Variants in FSIP2 observed in about 807,000 individuals in gnomAD.
FSIP2 encodes the protein fibrous sheath interacting protein 2.
A neutral mutation model predicts 510.5 loss-of-function variants in FSIP2; 367 were observed. That is an observed-to-expected ratio of 0.72 (90% CI 0.66 to 0.78). The LOEUF is 0.78. FSIP2 is among the 30% of genes least tolerant of loss of function. The pLI is 0.00. For synonymous variants in FSIP2, 2,601 were observed against 2,732.2 expected (o/e 0.95, Z 1.50); for missense variants, 7,594 against 7,901.7 (o/e 0.96, Z 1.48).
rs56395901 is a variant in FSIP2 at position 185,751,461 on chromosome 2, C to CTGTGTGTGTGTGTG, written c.871-2236_871-2223dup. Among the ~76,000 whole-genome samples, 104 of 135,872 alleles carry CTGTGTGTGTGTGTG rather than the reference C, an allele frequency of 7.7e-4. 1 individual carries two copies. Among genetic ancestry groups the CTGTGTGTGTGTGTG allele is most frequent in the East Asian group, 2.4e-3 (11 of 4,558 alleles). The allele number at this position is 135,872 out of a possible 152,430, so 89.1% of individuals were successfully genotyped here. ...AGACCAAATTTGGGTCTTTATTTTT[C>CTGTGTGTGTGTGTG]TGTGTGTGTGTGTGTGTGTGTGTGT... On this transcript the variant is annotated intron_variant, in intron 7 of 22. Coordinates refer to ENST00000424728, the MANE Select transcript of FSIP2 (RefSeq NM_173651.4).
Position 185,789,684 on chromosome 2 carries a change from A to G in FSIP2, c.2548A>G (p.Lys850Glu), listed in dbSNP as rs533125062. 3.3e-6 allele frequency: 5 copies of G among 1,534,008 alleles called. No homozygotes were observed. The highest frequency in any genetic ancestry group is 1.7e-4 in the Middle Eastern group (1 of 5,974). ...NEFLHLKDTN[K>E]LSCQQHKTDP... The stretch of plus-strand genomic sequence containing the variant: ...ATTTCTTCATCTTAAAGACACAAAT[A>G]AGCTTTCCTGCCAGCAACATAAGAC... The change falls in exon 16 of 23, where the codon AAG (lysine) becomes GAG (glutamate). Residue 850 changes from lysine to glutamate, a missense_variant. Coordinates refer to ENST00000424728, the MANE Select transcript of FSIP2 (RefSeq NM_173651.4).
At chr2:185,814,387 T>C (rs1346955907) in intron 18 of FSIP2, among the ~76,000 whole-genome samples, 1 of 152,214 alleles carries the variant, frequency 6.6e-6, no homozygotes, top group East Asian at 1.9e-4. Flanking sequence ...GAGAGCCTAA[T>C]GCTACTAGAA....
intron 14 of FSIP2, among the ~76,000 whole-genome samples, chr2:185,785,046 T>C (rs1356662780): frequency 2.0e-5 from 3 of 152,204 alleles, no homozygotes; most frequent in South Asian, 2.1e-4. Context: ...AAAAAGTCTA[T>C]TGGGAACTGC....
At chr2:185,830,276 A>G (rs55970033) in intron 21 of FSIP2, among the ~76,000 whole-genome samples, 24,150 of 151,918 alleles carry the variant, frequency 0.16, 2,501 homozygotes, top group Non-Finnish European at 0.23. Flanking sequence ...CTTTCAAGGA[A>G]AAGGTCAAAA....
In FSIP2 at chr2:185,797,169, A is replaced by C. The variant is rs1183177431; in HGVS notation, c.10033A>C (p.Ser3345Arg). The C allele has an allele frequency of 6.5e-7, 1 of 1,534,962 alleles. No individual in the cohort carries two copies. The highest frequency in any genetic ancestry group is 2.4e-5 in the East Asian group (1 of 40,844). ...NTVLSSCGFP[S>R]QPHTNENREI... Reference sequence around the variant, plus strand: ...TGTGCTATCCAGCTGTGGCTTTCCAAGTCAACCACACACTAATGAGAACAG... The same window carrying C: ...TGTGCTATCCAGCTGTGGCTTTCCACGTCAACCACACACTAATGAGAACAG... Residue 3345 changes from serine (S) to arginine (R), a missense_variant, in exon 16 of 23, where the codon AGT becomes CGT. By Grantham distance (110) the Ser-to-Arg change is moderately radical (BLOSUM62 -1). Coordinates refer to ENST00000424728, the MANE Select transcript of FSIP2 (RefSeq NM_173651.4).
At position 185,804,413 on chromosome 2, in the gene FSIP2, A is replaced by G. The variant is rs1693512195; in HGVS notation, c.15107A>G (p.Tyr5036Cys). The G allele has an allele frequency of 1.3e-6, 2 of 1,510,220 alleles. No individual in the cohort carries two copies. The highest frequency in any genetic ancestry group is 1.4e-5 in the African/African-American group (1 of 71,738). The allele number at this position is 1,510,220 out of a possible 1,614,324, so 93.6% of individuals were successfully genotyped here. The part of the protein sequence containing the change: ...NSVYGKVLDQ[Y>C]KSLIQIHRVI... ...GTATATGGAAAAGTATTAGATCAAT[A>G]TAAATCTCTGATTCAAATACATAGG... The change falls in exon 17 of 23, where the codon TAT (tyrosine) becomes TGT (cysteine). Residue 5036 changes from tyrosine (Y) to cysteine (C), a missense_variant. Physicochemically the swap from Tyr to Cys is radical, Grantham distance 194. Coordinates refer to ENST00000424728, the MANE Select transcript of FSIP2 (RefSeq NM_173651.4).
At chr2:185,770,866 A>T (rs995284405) in intron 13 of FSIP2, among the ~76,000 whole-genome samples, 15 of 152,192 alleles carry the variant, frequency 9.9e-5, no homozygotes, top group African/African-American at 3.1e-4. Context: ...AAAACATGTT[A>T]TTACATCCAA....
chr2:185,808,565 A>C lies in FSIP2; in HGVS notation c.19259A>C (p.Gln6420Pro). The change falls in exon 17 of 23, where the codon CAG (glutamine) becomes CCG (proline). Residue 6420 changes from glutamine to proline, a missense_variant. Coordinates refer to ENST00000424728, the MANE Select transcript of FSIP2 (RefSeq NM_173651.4). ...CCAGAAAATACAGAAAGGATTTATC[A>C]GGTTGTCGATTCCGTTTATAGTAAC... is the stretch of plus-strand genomic sequence containing the variant. Reference protein sequence around the residue: ...LNPENTERIYQVVDSVYSNIL... With the variant: ...LNPENTERIYPVVDSVYSNIL... 4 of 1,612,462 alleles carry C rather than the reference A, an allele frequency of 2.5e-6. No homozygotes were observed. Among genetic ancestry groups the C allele is most frequent in the Non-Finnish European group, 3.4e-6 (4 of 1,179,222 alleles).
chr2:185,782,776 G>GAATT lies in FSIP2; in HGVS notation c.1469+16_1469+19dup. On this transcript the variant is annotated intron_variant, in intron 14 of 22. Coordinates refer to ENST00000424728, the MANE Select transcript of FSIP2 (RefSeq NM_173651.4). Reference sequence around the variant, plus strand: ...TTACACAAATATGTAAGTACCTAAGGAATTATATATAATCATAACTAATTT... The same window carrying GAATT: ...TTACACAAATATGTAAGTACCTAAGGAATTAATTATATATAATCATAACTAATTT... The GAATT allele has an allele frequency of 7.7e-7, 1 of 1,302,064 alleles. No homozygotes were observed. Among genetic ancestry groups the GAATT allele is most frequent in the Non-Finnish European group, 1.1e-6 (1 of 933,952 alleles). The allele number at this position is 1,302,064 out of a possible 1,614,324, so 80.7% of individuals were successfully genotyped here.
At position 185,796,014 on chromosome 2, in the gene FSIP2, T is replaced by C. The variant is rs80269489; in HGVS notation, c.8878T>C (p.Phe2960Leu). The change falls in exon 16 of 23, where the codon TTT (phenylalanine) becomes CTT (leucine). Residue 2960 changes from phenylalanine (F) to leucine (L), a missense_variant. Phe to Leu is a conservative substitution (Grantham distance 22). Coordinates refer to ENST00000424728, the MANE Select transcript of FSIP2 (RefSeq NM_173651.4). The part of the protein sequence containing the change: ...EHITAKSKYG[F>L]PNKHSLSSLP... Reference sequence around the variant, plus strand: ...CATTACTGCTAAAAGTAAATATGGTTTTCCAAACAAGCATAGCCTCAGCAG... The same window carrying C: ...CATTACTGCTAAAAGTAAATATGGTCTTCCAAACAAGCATAGCCTCAGCAG... 8,132 of 1,533,788 alleles carry C rather than the reference T, an allele frequency of 5.3e-3. 212 individuals carry two copies. In the African/African-American group the frequency reaches 0.072, roughly 14 times the overall value.
intron 8 of FSIP2, among the ~76,000 whole-genome samples, chr2:185,755,984 G>A (rs761798539): frequency 9.9e-5 from 15 of 151,374 alleles, no homozygotes; most frequent in Admixed American, 2.0e-4. Context: ...CCCTCCAAAT[G>A]TATCTTTTAA....
chr2:185,749,564 A>T (rs898420637), intron 7 of FSIP2, among the ~76,000 whole-genome samples: 7 of 151,934 alleles, frequency 4.6e-5, no homozygotes, highest in African/African-American at 1.7e-4. Flanking sequence ...TTAATAGTTT[A>T]CATAGATGAT....
At chr2:185,749,163 C>T (rs1016830891) in intron 7 of FSIP2, among the ~76,000 whole-genome samples, 2 of 151,838 alleles carry the variant, frequency 1.3e-5, no homozygotes, top group African/African-American at 4.8e-5. Flanking sequence ...ATAGCATCAG[C>T]TTATTAATTT....
rs1451401665 is a variant in FSIP2 at position 185,790,479 on chromosome 2, A to C, written c.3343A>C (p.Lys1115Gln). The C allele has an allele frequency of 9.8e-6, 15 of 1,534,060 alleles. No individual in the cohort carries two copies. The highest frequency in any genetic ancestry group is 6.9e-5 in the African/African-American group (5 of 72,912). Residue 1115 changes from lysine to glutamine, a missense_variant, in exon 16 of 23, where the codon AAG becomes CAG. Coordinates refer to ENST00000424728, the MANE Select transcript of FSIP2 (RefSeq NM_173651.4). ...ASENIVTSILKEMLKDISSVP... is the reference protein window; with the variant it reads ...ASENIVTSILQEMLKDISSVP... ...AGAAAACATAGTCACAAGTATTTTA[A>C]AGGAAATGCTCAAGGACATATCTTC...
chr2:185,800,828 C>G lies in FSIP2; in HGVS notation c.11522C>G (p.Thr3841Ser). The G allele has an allele frequency of 3.3e-6, 5 of 1,534,384 alleles. No individual in the cohort carries two copies. In the South Asian group the frequency reaches 6.0e-5, roughly 18 times the overall value. The part of the protein sequence containing the change: ...QDLLTSDSML[T>S]IISHSLVKSL... ...TTATTGACATCAGACTCTATGCTTA[C>G]TATTATTTCCCACAGCTTGGTTAAA... Residue 3841 changes from threonine to serine, a missense_variant, in exon 17 of 23, where the codon ACT becomes AGT. Physicochemically the swap from Thr to Ser is moderately conservative, Grantham distance 58. Transcript: ENST00000424728.
At chr2:185,778,075 CT>C (rs1315739042) in intron 13 of FSIP2, among the ~76,000 whole-genome samples, 3 of 151,858 alleles carry the variant, frequency 2.0e-5, no homozygotes, top group Admixed American at 6.6e-5. Flanking sequence ...CAAGTAACTG[CT>C]TTTTTTATAA....
chr2:185,800,776 G>C lies in FSIP2; in HGVS notation c.11470G>C (p.Glu3824Gln). 6.5e-7 allele frequency: 1 copy of C among 1,534,158 alleles called. No individual in the cohort carries two copies. Among genetic ancestry groups the C allele is most frequent in the South Asian group, 1.2e-5 (1 of 83,932 alleles). ...AGTAGATTACATGTCAGACCTTTTG[G>C]AGAATGTGGCAGAAATTGATCAAGA... ...LQVDYMSDLL[E>Q]NVAEIDQDLL... The change falls in exon 17 of 23, where the codon GAG becomes CAG. Residue 3824 changes from glutamate to glutamine, a missense_variant. Physicochemically the swap from Glu to Gln is conservative, Grantham distance 29. Coordinates refer to ENST00000424728, the MANE Select transcript of FSIP2 (RefSeq NM_173651.4).
intron 21 of FSIP2, among the ~76,000 whole-genome samples, chr2:185,829,315 A>C (rs933780867): frequency 6.6e-6 from 1 of 151,934 alleles, no homozygotes; most frequent in Non-Finnish European, 1.5e-5. Context: ...ACAACTAAAC[A>C]CTGTGGGTAA....
chr2:185,808,223 T>C lies in FSIP2; in HGVS notation c.18917T>C (p.Val6306Ala), dbSNP rs372585030. The change falls in exon 17 of 23, where the codon GTA (valine) becomes GCA (alanine). Residue 6306 changes from valine (V) to alanine (A), a missense_variant. Physicochemically the swap from Val to Ala is moderately conservative, Grantham distance 64 (BLOSUM62 0). Transcript: ENST00000424728. Reference sequence around the variant, plus strand: ...TTTCAACCTCAAGTAGAGGAAGAAGTATCAAATTCAGAATTAGTTCTGGAA... The same window carrying C: ...TTTCAACCTCAAGTAGAGGAAGAAGCATCAAATTCAGAATTAGTTCTGGAA... ...SEFQPQVEEE[V>A]SNSELVLEAV... is the part of the protein sequence containing the mutation. 2.3e-5 allele frequency: 37 copies of C among 1,608,294 alleles called. No individual in the cohort carries two copies. Among genetic ancestry groups the C allele is most frequent in the Non-Finnish European group, 3.1e-5 (37 of 1,177,956 alleles).
Sources: allele counts gnomAD v4.1 joint callset (sites outside exome capture counted in the v4.1 genomes callset), GRCh38; gene constraint gnomAD v4.1.1; transcripts MANE v1.5; gene names NCBI Gene and HGNC (gene_info 2026-07-23, HGNC 2026-07-21).